The following DCBLD1 variants were observed in gnomAD, a reference collection of about 807,000 sequenced individuals.
The protein encoded by DCBLD1 is discoidin, CUB and LCCL domain containing 1.
Under a neutral mutation model 71.5 loss-of-function variants are expected in DCBLD1, and 57 were observed. The observed-to-expected ratio is 0.80, with a 90% CI of 0.64 to 0.99. The LOEUF (loss-of-function observed/expected upper bound fraction) is 0.99. Ranked by LOEUF, DCBLD1 falls within the 50% of genes least tolerant of loss-of-function variation. The probability of loss-of-function intolerance (pLI) is 0.00; values close to 1 mark genes in which losing one functional copy is unlikely to be tolerated. For synonymous variants in DCBLD1, 380 were observed against 363.8 expected (o/e 1.04, Z -0.51); for missense variants, 891 against 923.5 (o/e 0.96, Z 0.46).
intron 3 of DCBLD1, among the ~76,000 whole-genome samples, chr6:117,520,502 G>A (rs760023194): frequency 5.9e-5 from 9 of 152,120 alleles, no homozygotes; most frequent in Non-Finnish European, 1.3e-4. Context: ...TAGCTCAGGG[G>A]CAACGCTTTT....
intron 1 of DCBLD1, among the ~76,000 whole-genome samples, chr6:117,499,321 T>A (rs950136020): frequency 6.7e-6 from 1 of 149,400 alleles, no homozygotes; most frequent in African/African-American, 2.5e-5. Flanking sequence ...GTGGGAAGAT[T>A]GCTTGAGCCT....
At chr6:117,532,491 T>C in intron 6 of DCBLD1, 98 bp downstream of exon 6, 1 of 1,412,976 alleles carries the variant, frequency 7.1e-7, no homozygotes, top group East Asian at 2.6e-5. Context: ...AGGGATGTGA[T>C]AGCAAGGGTT....
rs544159469 is a variant in DCBLD1, at chr6:117,489,802, G to A, written c.112+6909G>A. On this transcript the variant is annotated intron_variant, in intron 1 of 14. Transcript: ENST00000338728. Reference sequence around the variant, plus strand: ...TGGGAGGCTGAGGCAGGAGAATGGCGTGAACCCGGGAGGCGGAGCTTGCAG... The same window carrying A: ...TGGGAGGCTGAGGCAGGAGAATGGCATGAACCCGGGAGGCGGAGCTTGCAG... Among the ~76,000 whole-genome samples, 15 of 152,214 alleles carry A rather than the reference G, an allele frequency of 9.9e-5. No individual in the cohort carries two copies. In the East Asian group the frequency reaches 1.5e-3, roughly 16 times the overall value.
In DCBLD1 at chr6:117,482,768, C is replaced by T. The variant is rs1734812981; in HGVS notation, c.-14C>T. ...GGGGAGGCCGAGCTTGCCAAGCTGGCGCCCAGCGGGGTCATGGTGCCCGGC... is the reference window on the plus strand; with the variant it reads ...GGGGAGGCCGAGCTTGCCAAGCTGGTGCCCAGCGGGGTCATGGTGCCCGGC... On this transcript the variant is annotated 5_prime_UTR_variant, in exon 1 of 15. Coordinates refer to ENST00000338728, the MANE Select transcript of DCBLD1 (RefSeq NM_001366458.2). 3 of 1,134,012 alleles carry T rather than the reference C, an allele frequency of 2.6e-6. No individual in the cohort carries two copies. Among genetic ancestry groups the T allele is most frequent in the Non-Finnish European group, 2.2e-6 (2 of 925,742 alleles). 70.2% of individuals were successfully genotyped at this position (1,134,012 alleles called of 1,614,324 possible).
At chr6:117,535,952 G>T (rs1285237134) in intron 6 of DCBLD1, among the ~76,000 whole-genome samples, 1 of 152,144 alleles carries the variant, frequency 6.6e-6, no homozygotes, top group Non-Finnish European at 1.5e-5. Flanking sequence ...AATGATTGGT[G>T]CCTGCATTAT....
intron 2 of DCBLD1, among the ~76,000 whole-genome samples, chr6:117,508,440 A>C (rs1192866402): frequency 3.9e-5 from 6 of 152,312 alleles, no homozygotes; most frequent in Non-Finnish European, 7.4e-5. Context: ...ATTGTGTCAC[A>C]CTAATATACA....
intron 6 of DCBLD1, among the ~76,000 whole-genome samples, chr6:117,534,154 A>T (rs1053205620): frequency 6.6e-6 from 1 of 152,190 alleles, no homozygotes; most frequent in Non-Finnish European, 1.5e-5. Flanking sequence ...TTCAAAGACA[A>T]ATTAGTCTCT....
At position 117,539,325 on chromosome 6, in the gene DCBLD1, A is replaced by C. The variant is rs746107549; in HGVS notation, c.1047A>C (p.Lys349Asn). ...TTAAGAGTTTTGTGATGAACTTCAAAAACAATAATTCTAAGTGGAAGACCT... is the reference window on the plus strand; with the variant it reads ...TTAAGAGTTTTGTGATGAACTTCAACAACAATAATTCTAAGTGGAAGACCT... ...FYVKSFVMNF[K>N]NNNSKWKTYK... The change falls in exon 9 of 15, where the codon AAA becomes AAC. Residue 349 changes from lysine (K) to asparagine (N), a missense_variant. Lys to Asn is a moderately conservative substitution (Grantham distance 94). Transcript: ENST00000338728. The C allele has an allele frequency of 6.2e-7, 1 of 1,610,514 alleles. No individual in the cohort carries two copies. Among genetic ancestry groups the C allele is most frequent in the Non-Finnish European group, 8.5e-7 (1 of 1,179,224 alleles).
At chr6:117,560,672 C>T (rs142084786) in intron 14 of DCBLD1, 3 of 196,666 alleles carry the variant, frequency 1.5e-5, no homozygotes, top group Admixed American at 6.1e-5. Context: ...AGTCTCACCA[C>T]CAAAATGTTG....
At chr6:117,519,472 G>A (rs562898460) in intron 2 of DCBLD1, among the ~76,000 whole-genome samples, 30 of 152,220 alleles carry the variant, frequency 2.0e-4, no homozygotes, top group African/African-American at 6.7e-4. Context: ...AAATTTAGGA[G>A]GCCCCTAGAA....
intron 11 of DCBLD1, 59 bp from the exon 12 acceptor site, chr6:117,543,065 C>A: frequency 1.4e-6 from 2 of 1,404,910 alleles, no homozygotes; most frequent in Non-Finnish European, 2.0e-6. Context: ...AGTTTTAAAT[C>A]ATGAAAAGTG....
intron 1 of DCBLD1, among the ~76,000 whole-genome samples, chr6:117,493,376 T>G (rs1777361453): frequency 6.6e-6 from 1 of 152,198 alleles, no homozygotes. Flanking sequence ...TTTCAGGAGC[T>G]AAGCAAAGTG....
intron 12 of DCBLD1, among the ~76,000 whole-genome samples, chr6:117,543,887 C>T (rs1779180847): frequency 6.6e-6 from 1 of 152,058 alleles, no homozygotes; most frequent in Non-Finnish European, 1.5e-5. Context: ...TATAGTTTAC[C>T]CAGATGAATT....
intron 3 of DCBLD1, among the ~76,000 whole-genome samples, chr6:117,520,529 C>A (rs1251720224): frequency 6.6e-6 from 1 of 152,178 alleles, no homozygotes; most frequent in African/African-American, 2.4e-5. Flanking sequence ...TGAGCCCCTC[C>A]GCAACACACG....
chr6:117,549,257 A>G lies in DCBLD1; in HGVS notation c.*818A>G. On this transcript the variant is annotated 3_prime_UTR_variant, in exon 15 of 15. Coordinates refer to ENST00000338728, the MANE Select transcript of DCBLD1 (RefSeq NM_001366458.2). ...AATATTGCTGAGGTCAGACGCCACA[A>G]TTTTCATGACTTTCTTCAGAAGTAG... 7 of 985,354 alleles carry G rather than the reference A, an allele frequency of 7.1e-6. No homozygotes were observed. The highest frequency in any genetic ancestry group is 8.4e-6 in the Non-Finnish European group (7 of 829,922). The allele number at this position is 985,354 out of a possible 1,614,324, so 61.0% of individuals were successfully genotyped here. A position where few individuals can be genotyped will look rare whatever the true frequency, so the allele number is the denominator to read the frequency against.
chr6:117,555,711 C>T (rs1242909770), intron 14 of DCBLD1, among the ~76,000 whole-genome samples: 1 of 152,170 alleles, frequency 6.6e-6, no homozygotes, highest in Admixed American at 6.5e-5. Context: ...TTGTGAAATT[C>T]AAACCCAGCA....
intron 4 of DCBLD1, 30 bp from the exon 5 acceptor site, chr6:117,525,332 A>C: frequency 7.0e-7 from 1 of 1,419,114 alleles, no homozygotes; most frequent in Middle Eastern, 2.1e-4. Context: ...AATTTAATAA[A>C]ATATAAATTA....
At chr6:117,529,368 T>C (rs939553682) in intron 5 of DCBLD1, among the ~76,000 whole-genome samples, 4 of 152,294 alleles carry the variant, frequency 2.6e-5, no homozygotes, top group African/African-American at 9.6e-5. Context: ...TATTTTTCTT[T>C]TTCCAGCAAA....
At chr6:117,527,080 C>G (rs1583009867) in intron 5 of DCBLD1, among the ~76,000 whole-genome samples, 1 of 152,214 alleles carries the variant, frequency 6.6e-6, no homozygotes, top group South Asian at 2.1e-4. Context: ...AGGCCATCCT[C>G]AGTTCTTGCC....
Sources: gnomAD v4.1 joint callset for allele counts (sites outside exome capture counted in the v4.1 genomes callset) on GRCh38, gnomAD v4.1.1 for gene constraint, MANE v1.5 for transcripts, NCBI Gene and HGNC (gene_info 2026-07-23, HGNC 2026-07-21) for gene names.